BBX: variants seen among roughly 807,000 people sequenced by gnomAD.
The protein encoded by BBX is BBX high mobility group box domain containing.
A neutral mutation model predicts 100.2 loss-of-function variants in BBX; 30 were observed. The ratio of observed to expected loss-of-function variants is 0.30; its 90% CI spans 0.22 to 0.41. BBX has a LOEUF of 0.41. Ranked by LOEUF, BBX falls within the 10% of genes least tolerant of loss-of-function variation. The pLI, the probability that BBX is intolerant of heterozygous loss-of-function variation, is 1.00. For missense variants in BBX, 1,023 were observed against 1,129.8 expected (o/e 0.91, Z 1.35); for synonymous variants, 376 against 388.1 (o/e 0.97, Z 0.37).
At chr3:107,615,388 CA>C (rs2055173912) in intron 2 of BBX, among the ~76,000 whole-genome samples, 1 of 152,158 alleles carries the variant, frequency 6.6e-6, no homozygotes, top group Non-Finnish European at 1.5e-5. Context: ...ATTAATTTCT[CA>C]TACTTCTGGA....
At chr3:107,746,666 G>T (rs1469963033) in intron 8 of BBX, among the ~76,000 whole-genome samples, 7 of 151,384 alleles carry the variant, frequency 4.6e-5, no homozygotes, top group Non-Finnish European at 7.4e-5. Flanking sequence ...TGTTACCCAG[G>T]CTTGTCTTAA....
chr3:107,724,535 T>C (rs981937646), intron 5 of BBX, among the ~76,000 whole-genome samples: 19 of 152,356 alleles, frequency 1.2e-4, no homozygotes, highest in African/African-American at 4.6e-4. Context: ...GTTTTTATGG[T>C]TTCAGTTCTA....
chr3:107,673,145 T>G (rs1000656300), intron 3 of BBX, among the ~76,000 whole-genome samples: 2 of 152,108 alleles, frequency 1.3e-5, no homozygotes, highest in Non-Finnish European at 2.9e-5. Flanking sequence ...AGATTATTCC[T>G]AAATCAAGTT....
At chr3:107,603,599 C>T (rs947151326) in intron 2 of BBX, among the ~76,000 whole-genome samples, 5 of 151,916 alleles carry the variant, frequency 3.3e-5, no homozygotes, top group Non-Finnish European at 5.9e-5. Flanking sequence ...AGGATGGTCT[C>T]GATCTCCTGA....
intron 13 of BBX, among the ~76,000 whole-genome samples, chr3:107,787,023 G>T (rs151053077): frequency 2.6e-5 from 4 of 152,124 alleles, no homozygotes; most frequent in African/African-American, 9.7e-5. Context: ...ATACGTGGCC[G>T]ATAAGTACAA....
intron 3 of BBX, among the ~76,000 whole-genome samples, chr3:107,655,020 C>G (rs1441491113): frequency 6.6e-6 from 1 of 152,178 alleles, no homozygotes; most frequent in Non-Finnish European, 1.5e-5. Flanking sequence ...ATTGCTATCT[C>G]TATTCACAGC....
At position 107,805,588 on chromosome 3, in the gene BBX, G is replaced by A. The variant is rs13098250; in HGVS notation, c.*131G>A. ...AGTGCTTGTTGCCCCACACGGCCCA[G>A]ATTCACTTGAAGCAGAAGTTAGCAT... On this transcript the variant is annotated 3_prime_UTR_variant, in exon 18 of 18. Coordinates refer to ENST00000325805, the MANE Select transcript of BBX (RefSeq NM_001142568.3). 6.6e-7 allele frequency: 1 copy of A among 1,520,582 alleles called. No homozygotes were observed. The highest frequency in any genetic ancestry group is 2.4e-5 in the East Asian group (1 of 41,590). 94.2% of individuals were successfully genotyped at this position (1,520,582 alleles called of 1,614,324 possible).
chr3:107,536,515 G>A (rs977283229), intron 2 of BBX, among the ~76,000 whole-genome samples: 1 of 152,070 alleles, frequency 6.6e-6, no homozygotes, highest in Non-Finnish European at 1.5e-5. Flanking sequence ...TTCCGAAGGC[G>A]CTCGTCTTTT....
intron 13 of BBX, among the ~76,000 whole-genome samples, chr3:107,784,448 CAGAG>C (rs2068213637): frequency 6.6e-6 from 1 of 151,894 alleles, no homozygotes; most frequent in African/African-American, 2.4e-5. Flanking sequence ...TGAAATAATA[CAGAG>C]TGTGTTCTCT....
chr3:107,549,869 C>CTTTTTTTTTTTTTTTT (rs34639576), intron 2 of BBX, among the ~76,000 whole-genome samples: 1 of 135,010 alleles, frequency 7.4e-6, no homozygotes, highest in Non-Finnish European at 1.6e-5. Context: ...TTGTTCTTAC[C>CTTTTTTTTTTTTTTTT]TTTTTTTTTT....
intron 16 of BBX, among the ~76,000 whole-genome samples, chr3:107,800,618 G>T (rs2070341747): frequency 6.6e-6 from 1 of 152,186 alleles, no homozygotes; most frequent in Non-Finnish European, 1.5e-5. Flanking sequence ...ATTAGAACTG[G>T]TTAATGTGCT....
At chr3:107,631,511 G>T (rs2056546367) in intron 2 of BBX, among the ~76,000 whole-genome samples, 1 of 151,026 alleles carries the variant, frequency 6.6e-6, no homozygotes, top group South Asian at 2.1e-4. Context: ...GCATGTTTGG[G>T]TTAAAAACCA....
chr3:107,575,381 T>C (rs1406716381), intron 2 of BBX, among the ~76,000 whole-genome samples: 2 of 152,206 alleles, frequency 1.3e-5, no homozygotes, highest in Admixed American at 6.5e-5. Flanking sequence ...TTATGGACAG[T>C]TTGATTATTC....
chr3:107,594,757 A>AT (rs924280276), intron 2 of BBX, among the ~76,000 whole-genome samples: 4 of 152,090 alleles, frequency 2.6e-5, no homozygotes, highest in Non-Finnish European at 5.9e-5. Context: ...TAAAAACGTT[A>AT]TTTTTTATTT....
chr3:107,576,193 T>TGTGG (rs1223570632), intron 2 of BBX, among the ~76,000 whole-genome samples: 1 of 152,252 alleles, frequency 6.6e-6, no homozygotes, highest in Non-Finnish European at 1.5e-5. Context: ...TCTTTGCAGA[T>TGTGG]GTGGGGAAAC....
chr3:107,692,566 A>G (rs1458454931), intron 3 of BBX, among the ~76,000 whole-genome samples: 1 of 152,164 alleles, frequency 6.6e-6, no homozygotes, highest in Non-Finnish European at 1.5e-5. Context: ...TATGGTGTAT[A>G]TGTGCCACAT....
intron 13 of BBX, among the ~76,000 whole-genome samples, chr3:107,784,838 A>G (rs556426104): frequency 1.3e-5 from 2 of 151,962 alleles, no homozygotes; most frequent in East Asian, 3.9e-4. Context: ...AAATTAATTA[A>G]ATAATACTAA....
chr3:107,653,998 C>G (rs888411335), intron 3 of BBX, among the ~76,000 whole-genome samples: 6 of 152,154 alleles, frequency 3.9e-5, no homozygotes, highest in Non-Finnish European at 8.8e-5. Flanking sequence ...GAAACTCCGT[C>G]CATGCCTTCA....
intron 2 of BBX, among the ~76,000 whole-genome samples, chr3:107,597,678 A>G (rs1382655164): frequency 1.3e-5 from 2 of 152,152 alleles, no homozygotes; most frequent in Non-Finnish European, 2.9e-5. Context: ...TGATGATTTA[A>G]TGATTTATCA....
Sources: gnomAD v4.1 joint callset for allele counts (sites outside exome capture counted in the v4.1 genomes callset) on GRCh38, gnomAD v4.1.1 for gene constraint, MANE v1.5 for transcripts, NCBI Gene and HGNC (gene_info 2026-07-23, HGNC 2026-07-21) for gene names.